The following SLC45A4 variants were observed in gnomAD, a reference collection of about 807,000 sequenced individuals.
The protein encoded by SLC45A4 is solute carrier family 45 member 4.
In SLC45A4, 32 loss-of-function variants were observed where a neutral mutation model predicts 63.7. The ratio of observed to expected loss-of-function variants is 0.50; its 90% CI spans 0.38 to 0.67. The LOEUF (loss-of-function observed/expected upper bound fraction) is 0.67. Among genes scored for constraint, SLC45A4 ranks in the 30% least tolerant of loss-of-function variants. The pLI is 0.00. For synonymous variants in SLC45A4, 535 were observed against 510.0 expected (o/e 1.05, Z -0.66); for missense variants, 1,027 against 1,157.7 (o/e 0.89, Z 1.64).
intron 2 of SLC45A4, among the ~76,000 whole-genome samples, chr8:141,242,251 G>T (rs1001365548): frequency 6.6e-6 from 1 of 152,138 alleles, no homozygotes. Flanking sequence ...TGATCAAAAG[G>T]CCCAGAGTCT....
intron 2 of SLC45A4, among the ~76,000 whole-genome samples, chr8:141,235,873 G>A (rs191510084): frequency 6.8e-4 from 104 of 152,278 alleles, no homozygotes; most frequent in African/African-American, 2.4e-3. Flanking sequence ...AGGCTGAGGC[G>A]GGCGGATCAC....
chr8:141,219,516 A>T, intron 4 of SLC45A4, 134 bp downstream of exon 4: 1 of 1,151,352 alleles, frequency 8.7e-7, no homozygotes, highest in Non-Finnish European at 1.2e-6. Context: ...TCCAGCCCTA[A>T]GACCCTGCCC....
chr8:141,221,585 G>A lies in SLC45A4; in HGVS notation c.422C>T (p.Ser141Phe). The A allele has an allele frequency of 6.2e-7, 1 of 1,612,244 alleles. No homozygotes were observed. The change falls in exon 3 of 9, where the codon TCT becomes TTT. Residue 141 changes from serine to phenylalanine, a missense_variant. Coordinates refer to ENST00000517878, the MANE Select transcript of SLC45A4 (RefSeq NM_001286646.2). ...LFGVALFLNG[S>F]AIGLALGDVP... ...GTGGCCGAGAAACTTACCGATGGCA[G>A]AGCCGTTAAGGAAAAGTGCAACGCC... is the stretch of plus-strand genomic sequence containing the variant.
Position 141,218,705 on chromosome 8 carries a change from T to C in SLC45A4, c.935A>G (p.His312Arg), listed in dbSNP as rs1402282403. Reference sequence around the variant, plus strand: ...CAGGTCCAGCGCGGTGTCCGGCACGTGCAATGCCGAGTCGCTTTTGCTGCG... The same window carrying C: ...CAGGTCCAGCGCGGTGTCCGGCACGCGCAATGCCGAGTCGCTTTTGCTGCG... ...IMRSKSDSAL[H>R]VPDTALDLEP... The change falls in exon 5 of 9, where the codon CAC (histidine) becomes CGC (arginine). Residue 312 changes from histidine (H) to arginine (R), a missense_variant. Coordinates refer to ENST00000517878, the MANE Select transcript of SLC45A4 (RefSeq NM_001286646.2). The C allele has an allele frequency of 3.7e-6, 6 of 1,612,550 alleles. No individual in the cohort carries two copies. Among genetic ancestry groups the C allele is most frequent in the African/African-American group, 1.3e-5 (1 of 74,900 alleles).
At chr8:141,301,122 G>A (rs7832432) in intron 1 of SLC45A4, among the ~76,000 whole-genome samples, 97 of 152,248 alleles carry the variant, frequency 6.4e-4, no homozygotes, top group African/African-American at 2.3e-3. Context: ...CCTCCAGCCT[G>A]CCTGCCCCGC....
At chr8:141,236,916 C>A (rs1283662486) in intron 2 of SLC45A4, among the ~76,000 whole-genome samples, 2 of 152,232 alleles carry the variant, frequency 1.3e-5, no homozygotes, top group Non-Finnish European at 2.9e-5. Flanking sequence ...TCAACACAAA[C>A]CTCCATCGGT....
Position 141,221,818 on chromosome 8 carries a change from A to G in SLC45A4, c.242-53T>C, listed in dbSNP as rs112942235. On this transcript the variant is annotated intron_variant, in intron 2 of 8. Coordinates refer to ENST00000517878, the MANE Select transcript of SLC45A4 (RefSeq NM_001286646.2). ...ACGCAGGCACTGGCCGGGCTCTGCC[A>G]CAGTTTTCCTGGGAGCCCCGCGACA... The G allele has an allele frequency of 2.4e-3, 3,740 of 1,583,384 alleles. 78 individuals are homozygous for G. In the African/African-American group the frequency reaches 0.043, roughly 18 times the overall value.
intron 2 of SLC45A4, among the ~76,000 whole-genome samples, chr8:141,250,483 G>A (rs1360916560): frequency 4.7e-5 from 7 of 150,194 alleles, no homozygotes; most frequent in African/African-American, 7.3e-5. Context: ...TCTCCCAGGC[G>A]CAAGCAATCC....
chr8:141,270,738 T>G (rs1350718323), intron 1 of SLC45A4, among the ~76,000 whole-genome samples: 1 of 152,112 alleles, frequency 6.6e-6, no homozygotes, highest in African/African-American at 2.4e-5. Context: ...CTCATTTCCC[T>G]TTGCTGGGCC....
chr8:141,223,872 C>T (rs1826813122), intron 2 of SLC45A4, among the ~76,000 whole-genome samples: 1 of 152,318 alleles, frequency 6.6e-6, no homozygotes, highest in East Asian at 1.9e-4. Context: ...GACCTGTGAC[C>T]CACAGAGGGC....
chr8:141,216,278 C>A (rs1025635086), intron 6 of SLC45A4, among the ~76,000 whole-genome samples: 15 of 152,272 alleles, frequency 9.9e-5, no homozygotes, highest in Non-Finnish European at 1.9e-4. Flanking sequence ...AATCTGGGCC[C>A]GCTCAGTGGC....
intron 1 of SLC45A4, among the ~76,000 whole-genome samples, chr8:141,285,042 C>T (rs879836699): frequency 1.3e-4 from 20 of 152,230 alleles, no homozygotes; most frequent in Admixed American, 7.2e-4. Flanking sequence ...GAACAGGGTC[C>T]GGAGCTGGCA....
At chr8:141,289,651 TGTA>T (rs746490564) in intron 1 of SLC45A4, among the ~76,000 whole-genome samples, 72 of 152,308 alleles carry the variant, frequency 4.7e-4, no homozygotes, top group Non-Finnish European at 8.5e-4. Flanking sequence ...GTCAGCTTCC[TGTA>T]GTAAGAGAAG....
intron 1 of SLC45A4, among the ~76,000 whole-genome samples, chr8:141,305,553 C>T (rs1830871168): frequency 6.6e-6 from 1 of 152,244 alleles, no homozygotes; most frequent in South Asian, 2.1e-4. Flanking sequence ...CCACAAATTA[C>T]AGACACGACT....
rs1241775335 is a variant in SLC45A4 at position 141,290,635 on chromosome 8, C to T, written c.-401+17461G>A. Among the ~76,000 whole-genome samples the T allele has an allele frequency of 5.9e-5, 9 of 152,340 alleles. No individual in the cohort carries two copies. The East Asian group carries it at 1.7e-3, about 29-fold the overall frequency. ...GAGGACAGCCACCCTTGGGATTTAT[C>T]TCCACTGGGGATGAAACCAGGCCGC... On this transcript the variant is annotated intron_variant, in intron 1 of 8. Coordinates refer to ENST00000517878, the MANE Select transcript of SLC45A4 (RefSeq NM_001286646.2).
chr8:141,277,580 G>T (rs1829773590), intron 1 of SLC45A4, among the ~76,000 whole-genome samples: 1 of 151,786 alleles, frequency 6.6e-6, no homozygotes, highest in Admixed American at 6.6e-5. Context: ...TTTACTGTTA[G>T]TTCACTAAAA....
intron 2 of SLC45A4, among the ~76,000 whole-genome samples, chr8:141,238,153 C>T (rs902184730): frequency 2.6e-5 from 4 of 152,344 alleles, no homozygotes; most frequent in African/African-American, 9.6e-5. Context: ...GCAGCAGACG[C>T]GTGCCCGAGT....
intron 1 of SLC45A4, among the ~76,000 whole-genome samples, chr8:141,307,116 C>T (rs887247825): frequency 6.6e-6 from 1 of 152,192 alleles, no homozygotes; most frequent in Non-Finnish European, 1.5e-5. Flanking sequence ...CCCCCGCCTT[C>T]TAGAATCATT....
intron 4 of SLC45A4, 119 bp from the exon 5 acceptor site, chr8:141,219,148 G>A (rs1398941558): frequency 2.8e-5 from 32 of 1,154,622 alleles, no homozygotes; most frequent in African/African-American, 6.3e-5. Flanking sequence ...GGGAGTCAGG[G>A]GCTGGAGAAG....
Sources: allele counts gnomAD v4.1 joint callset (sites outside exome capture counted in the v4.1 genomes callset), GRCh38; gene constraint gnomAD v4.1.1; transcripts MANE v1.5; gene names NCBI Gene and HGNC (gene_info 2026-07-23, HGNC 2026-07-21).